DCC: variants seen among roughly 807,000 people sequenced by gnomAD.
The protein encoded by DCC is netrin receptor DCC.
DCC carries 58 observed loss-of-function variants against 172.5 expected under a neutral mutation model. That is an observed-to-expected ratio of 0.34 (90% CI 0.27 to 0.42). DCC has a LOEUF of 0.42. DCC is among the 10% of genes least tolerant of loss of function. The pLI is 1.00. For missense variants in DCC, 1,740 were observed against 1,791.0 expected (o/e 0.97, Z 0.51); for synonymous variants, 709 against 644.5 (o/e 1.10, Z -1.52).
rs1035227332 is a variant in DCC, at chr18:52,568,544, G to T, written c.92-183510G>T. ...AGCATGCAGTGTGTGCTTCATAAGT[G>T]CTTGCTATTATTATTTCTTCAAAAA... On this transcript the variant is annotated intron_variant, in intron 1 of 28. Coordinates refer to ENST00000442544, the MANE Select transcript of DCC (RefSeq NM_005215.4). 3.3e-5 allele frequency among the ~76,000 whole-genome samples: 5 copies of T among 152,114 alleles called. No homozygotes were observed. The East Asian group carries it at 9.6e-4, about 29-fold the overall frequency.
intron 25 of DCC, among the ~76,000 whole-genome samples, chr18:53,476,742 T>C (rs966338344): frequency 1.3e-5 from 2 of 152,192 alleles, no homozygotes; most frequent in Non-Finnish European, 2.9e-5. Context: ...CAGAAGGTAC[T>C]ATAGGGCACA....
At chr18:53,312,027 G>T (rs998585026) in intron 13 of DCC, among the ~76,000 whole-genome samples, 1 of 151,834 alleles carries the variant, frequency 6.6e-6, no homozygotes, top group African/African-American at 2.4e-5. Flanking sequence ...ACCATACAGT[G>T]GGTAGGGCGC....
chr18:53,344,886 GAAAA>G (rs201958177), intron 15 of DCC, among the ~76,000 whole-genome samples: 1 of 132,636 alleles, frequency 7.5e-6, no homozygotes, highest in Non-Finnish European at 1.6e-5. Flanking sequence ...CTCTGTCTTG[GAAAA>G]AAAAAAAAAA....
At chr18:52,642,970 G>A (rs1248750573) in intron 1 of DCC, among the ~76,000 whole-genome samples, 1 of 152,184 alleles carries the variant, frequency 6.6e-6, no homozygotes, top group Non-Finnish European at 1.5e-5. Context: ...GATTTTTGAG[G>A]AAGAGCTTTC....
chr18:53,194,572 C>T (rs564924600), intron 9 of DCC, among the ~76,000 whole-genome samples: 114 of 152,120 alleles, frequency 7.5e-4, no homozygotes, highest in African/African-American at 2.5e-3. Flanking sequence ...TGGGCTCAAG[C>T]GATTCTCCTG....
chr18:52,610,870 C>A (rs2034264880), intron 1 of DCC, among the ~76,000 whole-genome samples: 1 of 151,954 alleles, frequency 6.6e-6, no homozygotes, highest in African/African-American at 2.4e-5. Flanking sequence ...ATTATCAGTG[C>A]ATAGCTATAT....
intron 13 of DCC, among the ~76,000 whole-genome samples, chr18:53,313,740 G>T (rs2144806958): frequency 6.6e-6 from 1 of 152,260 alleles, no homozygotes; most frequent in East Asian, 1.9e-4. Context: ...TAAATTTGTT[G>T]CTAATGTCTC....
At chr18:53,134,176 T>C (rs1186711711) in intron 7 of DCC, among the ~76,000 whole-genome samples, 2 of 152,178 alleles carry the variant, frequency 1.3e-5, no homozygotes. Context: ...GTACTGCAGG[T>C]TTATTAGAAC....
chr18:52,780,449 G>A (rs910402705), intron 2 of DCC, among the ~76,000 whole-genome samples: 1 of 152,128 alleles, frequency 6.6e-6, no homozygotes. Flanking sequence ...AAGGGTCATG[G>A]CTGTGACTTC....
At chr18:52,848,713 C>A (rs2038932211) in intron 2 of DCC, among the ~76,000 whole-genome samples, 1 of 152,110 alleles carries the variant, frequency 6.6e-6, no homozygotes, top group African/African-American at 2.4e-5. Flanking sequence ...ACATAACTAT[C>A]CAGTTGACCC....
chr18:52,611,483 ATG>A (rs1362479796), intron 1 of DCC, among the ~76,000 whole-genome samples: 3 of 152,164 alleles, frequency 2.0e-5, no homozygotes, highest in Admixed American at 2.0e-4. Context: ...GATACAAAGC[ATG>A]TGTCTGAGCA....
At chr18:53,334,499 A>C (rs2057569893) in intron 14 of DCC, among the ~76,000 whole-genome samples, 1 of 152,182 alleles carries the variant, frequency 6.6e-6, no homozygotes, top group African/African-American at 2.4e-5. Context: ...TCATGTTGTC[A>C]TGCAGCCATC....
chr18:53,322,071 G>A lies in DCC; in HGVS notation c.2078G>A (p.Ser693Asn). ...FTGLEKGSQY[S>N]FQVSAMTVNG... ...GGACTGGAGAAAGGAAGTCAGTACA[G>A]TTTCCAGGTGTCAGCCATGACAGTC... Residue 693 changes from serine (S) to asparagine (N), a missense_variant, in exon 14 of 29, where the codon AGT becomes AAT. This residue lies in a region of DCC where 1,732 missense variants were observed against 1,767.4 expected (regional missense o/e 0.98). Transcript: ENST00000442544. The A allele has an allele frequency of 6.2e-7, 1 of 1,607,540 alleles. No individual in the cohort carries two copies. The highest frequency in any genetic ancestry group is 8.5e-7 in the Non-Finnish European group (1 of 1,173,954).
intron 27 of DCC, among the ~76,000 whole-genome samples, chr18:53,501,674 A>G (rs2046101181): frequency 6.6e-6 from 1 of 152,172 alleles, no homozygotes; most frequent in Non-Finnish European, 1.5e-5. Flanking sequence ...GCAAGTAAAA[A>G]CTTTAAGAAT....
At chr18:53,386,437 T>C (rs953553850) in intron 16 of DCC, among the ~76,000 whole-genome samples, 2 of 152,184 alleles carry the variant, frequency 1.3e-5, no homozygotes, top group African/African-American at 4.8e-5. Context: ...AATAGCATCA[T>C]GGTTTTGGTG....
chr18:52,736,713 T>C (rs2036735645), intron 1 of DCC, among the ~76,000 whole-genome samples: 1 of 152,168 alleles, frequency 6.6e-6, no homozygotes, highest in Non-Finnish European at 1.5e-5. Flanking sequence ...AAACAGTGAC[T>C]TTTTTTATGT....
intron 19 of DCC, among the ~76,000 whole-genome samples, chr18:53,405,268 T>G (rs575369537): frequency 6.6e-6 from 1 of 152,202 alleles, no homozygotes; most frequent in South Asian, 2.1e-4. Flanking sequence ...TGCTCTCATG[T>G]AACCTCTGTA....
intron 1 of DCC, among the ~76,000 whole-genome samples, chr18:52,413,624 G>T (rs1024122846): frequency 1.3e-5 from 2 of 151,914 alleles, no homozygotes; most frequent in Non-Finnish European, 2.9e-5. Context: ...TAATAAACAT[G>T]TTACATATTT....
chr18:52,371,156 T>TA lies in DCC; in HGVS notation c.91+30289dup, dbSNP rs11296410. On this transcript the variant is annotated intron_variant, in intron 1 of 28. Coordinates refer to ENST00000442544, the MANE Select transcript of DCC (RefSeq NM_005215.4). ...TGAAAGGACCATCTTTTGGCTGATT[T>TA]AAAAAAAAAAATCATACTAGTCTAT... is the stretch of plus-strand genomic sequence containing the variant. Among the ~76,000 whole-genome samples the TA allele has an allele frequency of 9.7e-3, 1,461 of 150,762 alleles. 6 individuals are homozygous for TA. The highest frequency in any genetic ancestry group is 0.017 in the Middle Eastern group (5 of 294).
Sources: allele counts gnomAD v4.1 joint callset (sites outside exome capture counted in the v4.1 genomes callset), GRCh38; gene constraint gnomAD v4.1.1; regional missense constraint gnomAD v4.1.1; transcripts MANE v1.5; gene names NCBI Gene and HGNC (gene_info 2026-07-23, HGNC 2026-07-21).